PTPRM: variants seen among roughly 807,000 people sequenced by gnomAD.
The protein encoded by PTPRM is protein tyrosine phosphatase receptor type M.
A neutral mutation model predicts 186.7 loss-of-function variants in PTPRM; 47 were observed. The ratio of observed to expected loss-of-function variants is 0.25; its 90% CI spans 0.20 to 0.32. The LOEUF (loss-of-function observed/expected upper bound fraction) is 0.32, where lower values mean the gene tolerates loss of function less well. PTPRM is among the 10% of genes least tolerant of loss of function. The pLI is 1.00. For missense variants in PTPRM, 1,494 were observed against 1,865.0 expected (o/e 0.80, Z 3.66); for synonymous variants, 668 against 674.9 (o/e 0.99, Z 0.16).
intron 5 of PTPRM, among the ~76,000 whole-genome samples, chr18:7,947,289 TATC>T (rs1460230599): frequency 6.6e-6 from 1 of 152,166 alleles, no homozygotes; most frequent in Non-Finnish European, 1.5e-5. Context: ...CAGTGGGTGG[TATC>T]ATCTCCTCTT....
chr18:7,620,681 T>G (rs2143965159), intron 1 of PTPRM, among the ~76,000 whole-genome samples: 1 of 152,312 alleles, frequency 6.6e-6, no homozygotes, highest in Middle Eastern at 3.4e-3. Flanking sequence ...AAGTTGAGGC[T>G]CACAGAAGGT....
intron 14 of PTPRM, among the ~76,000 whole-genome samples, chr18:8,222,383 A>G (rs1389442414): frequency 1.3e-5 from 2 of 152,110 alleles, no homozygotes; most frequent in African/African-American, 4.8e-5. Context: ...ACTGTGCTTT[A>G]CATGTATTCT....
At chr18:7,631,451 G>GTTTT (rs74388341) in intron 1 of PTPRM, among the ~76,000 whole-genome samples, 3 of 139,800 alleles carry the variant, frequency 2.1e-5, no homozygotes, top group Admixed American at 7.2e-5. Flanking sequence ...CTACAAGGCT[G>GTTTT]TTTTTTTTTT....
At chr18:8,385,222 T>C (rs999124835) in intron 30 of PTPRM, among the ~76,000 whole-genome samples, 29 of 152,282 alleles carry the variant, frequency 1.9e-4, no homozygotes, top group Admixed American at 1.6e-3. Flanking sequence ...CAGAAATTGC[T>C]AAAACTGGAT....
At chr18:7,856,065 G>A (rs1397136059) in intron 2 of PTPRM, among the ~76,000 whole-genome samples, 2 of 151,862 alleles carry the variant, frequency 1.3e-5, no homozygotes, top group Non-Finnish European at 2.9e-5. Flanking sequence ...GCCCAACAAG[G>A]ACTAGACTTT....
intron 19 of PTPRM, among the ~76,000 whole-genome samples, chr18:8,259,800 A>G (rs889443449): frequency 6.6e-6 from 1 of 152,034 alleles, no homozygotes; most frequent in African/African-American, 2.4e-5. Flanking sequence ...GGCACACGCC[A>G]CCACTCCTGG....
intron 19 of PTPRM, among the ~76,000 whole-genome samples, chr18:8,284,583 T>A (rs1011913066): frequency 6.6e-6 from 1 of 150,620 alleles, no homozygotes; most frequent in Admixed American, 6.6e-5. Context: ...CTGCCTCTAC[T>A]AAAAATTAAA....
At chr18:8,178,050 C>T (rs1468044876) in intron 14 of PTPRM, among the ~76,000 whole-genome samples, 2 of 152,196 alleles carry the variant, frequency 1.3e-5, no homozygotes, top group African/African-American at 2.4e-5. Flanking sequence ...AGTGTGCATG[C>T]TTGAGCCCAC....
At chr18:7,665,411 A>G (rs1367930229) in intron 1 of PTPRM, among the ~76,000 whole-genome samples, 3 of 152,170 alleles carry the variant, frequency 2.0e-5, no homozygotes, top group Non-Finnish European at 4.4e-5. Context: ...TTTCATTTAC[A>G]TAGATATATG....
At chr18:8,255,933 G>C (rs1446462976) in intron 19 of PTPRM, among the ~76,000 whole-genome samples, 2 of 152,202 alleles carry the variant, frequency 1.3e-5, no homozygotes, top group African/African-American at 4.8e-5. Context: ...GGTCTTGATG[G>C]AGGCACAGCC....
At chr18:7,834,491 T>TACACACACACACACACACACATACACAC (rs2045927342) in intron 2 of PTPRM, among the ~76,000 whole-genome samples, 5 of 84,612 alleles carry the variant, frequency 5.9e-5, no homozygotes, top group African/African-American at 2.4e-4. Context: ...TATACAAGTA[T>TACACACACACACACACACACATACACAC]ACACACACAC....
At chr18:7,634,418 G>A (rs1056483607) in intron 1 of PTPRM, among the ~76,000 whole-genome samples, 31 of 152,146 alleles carry the variant, frequency 2.0e-4, no homozygotes, top group African/African-American at 7.0e-4. Context: ...ATACTCACAG[G>A]AACCCTAGCT....
chr18:7,735,372 G>A lies in PTPRM; in HGVS notation c.74-38777G>A, dbSNP rs540734902. Among the ~76,000 whole-genome samples, 257 of 152,194 alleles carry A rather than the reference G, an allele frequency of 1.7e-3. 1 individual carries two copies. The highest frequency in any genetic ancestry group is 4.6e-3 in the Admixed American group (71 of 15,286). ...AAGGTAGAAGAAGTTGCAGTGAGCC[G>A]AGATTGTGCCACTGCATTCCAGCCT... On this transcript the variant is annotated intron_variant, in intron 1 of 32. Coordinates refer to ENST00000580170, the MANE Select transcript of PTPRM (RefSeq NM_001105244.2).
At chr18:8,236,567 G>C (rs577139449) in intron 14 of PTPRM, among the ~76,000 whole-genome samples, 1 of 151,440 alleles carries the variant, frequency 6.6e-6, no homozygotes. Context: ...TTTGAGATGG[G>C]GTCTTGCTAT....
At chr18:7,862,557 A>G (rs970010767) in intron 2 of PTPRM, among the ~76,000 whole-genome samples, 3 of 152,156 alleles carry the variant, frequency 2.0e-5, no homozygotes, top group African/African-American at 2.4e-5. Context: ...CTCTGATTCC[A>G]TTGAAGAAAG....
chr18:7,686,866 C>T (rs975263330), intron 1 of PTPRM, among the ~76,000 whole-genome samples: 1 of 152,118 alleles, frequency 6.6e-6, no homozygotes, highest in African/African-American at 2.4e-5. Flanking sequence ...AAGCCACAAG[C>T]TTCCCAGGGA....
intron 7 of PTPRM, among the ~76,000 whole-genome samples, chr18:7,984,602 TACACACACACAC>T (rs1555676946): frequency 1.1e-5 from 1 of 87,174 alleles, no homozygotes; most frequent in South Asian, 3.8e-4. Context: ...TATATATATA[TACACACACACAC>T]ACACACACAC....
At chr18:7,905,726 T>C (rs182108884) in intron 3 of PTPRM, among the ~76,000 whole-genome samples, 3 of 152,330 alleles carry the variant, frequency 2.0e-5, no homozygotes, top group Admixed American at 1.3e-4. Context: ...CTGTAGCTAT[T>C]GGCACAGATT....
intron 1 of PTPRM, among the ~76,000 whole-genome samples, chr18:7,759,439 A>G (rs530608593): frequency 2.6e-5 from 4 of 152,302 alleles, no homozygotes; most frequent in African/African-American, 9.6e-5. Context: ...AAAAATAAAA[A>G]AGCTTCCTGA....
Sources: gnomAD v4.1 joint callset for allele counts (sites outside exome capture counted in the v4.1 genomes callset) on GRCh38, gnomAD v4.1.1 for gene constraint, MANE v1.5 for transcripts, NCBI Gene and HGNC (gene_info 2026-07-23, HGNC 2026-07-21) for gene names.